KCNIP4: variants seen among roughly 807,000 people sequenced by gnomAD.
KCNIP4 encodes Kv channel-interacting protein 4.
In KCNIP4, 12 loss-of-function variants were observed where a neutral mutation model predicts 34.0. That is an observed-to-expected ratio of 0.35 (90% CI 0.23 to 0.57). The LOEUF is 0.57. Among genes scored for constraint, KCNIP4 ranks in the 20% least tolerant of loss-of-function variants. KCNIP4 has a pLI of 0.83. For synonymous variants in KCNIP4, 124 were observed against 102.2 expected (o/e 1.21, Z -1.29); for missense variants, 238 against 311.7 (o/e 0.76, Z 1.78).
intron 1 of KCNIP4, among the ~76,000 whole-genome samples, chr4:21,245,806 A>T (rs956220358): frequency 1.3e-5 from 2 of 152,160 alleles, no homozygotes; most frequent in Non-Finnish European, 2.9e-5. Context: ...TATCCACAGC[A>T]TTACTTTGAA....
intron 1 of KCNIP4, among the ~76,000 whole-genome samples, chr4:21,017,362 C>A (rs1212004066): frequency 6.6e-6 from 1 of 152,140 alleles, no homozygotes; most frequent in Non-Finnish European, 1.5e-5. Context: ...CCCTGACAGG[C>A]TCTAGTGTGT....
chr4:20,947,201 C>T (rs148990203), intron 1 of KCNIP4, among the ~76,000 whole-genome samples: 4 of 152,272 alleles, frequency 2.6e-5, no homozygotes, highest in African/African-American at 9.6e-5. Context: ...TGGATTCTCA[C>T]TCTGCTGTCC....
intron 1 of KCNIP4, among the ~76,000 whole-genome samples, chr4:21,232,908 G>A (rs139228092): frequency 4.6e-5 from 7 of 152,194 alleles, no homozygotes; most frequent in African/African-American, 7.2e-5. Flanking sequence ...GGGGATTACC[G>A]AATGTAGGTC....
At chr4:21,543,171 G>C (rs1171724641) in intron 1 of KCNIP4, among the ~76,000 whole-genome samples, 2 of 152,032 alleles carry the variant, frequency 1.3e-5, no homozygotes, top group Non-Finnish European at 2.9e-5. Context: ...TCAACTCTGT[G>C]ATAAGCCTGA....
chr4:21,064,892 T>C (rs1482311542), intron 1 of KCNIP4, among the ~76,000 whole-genome samples: 1 of 152,204 alleles, frequency 6.6e-6, no homozygotes, highest in Non-Finnish European at 1.5e-5. Flanking sequence ...TAGTAGCCAA[T>C]GCACAATTTA....
At chr4:21,946,710 G>T (rs1345043413) in intron 1 of KCNIP4, among the ~76,000 whole-genome samples, 1 of 152,056 alleles carries the variant, frequency 6.6e-6, no homozygotes, top group Non-Finnish European at 1.5e-5. Flanking sequence ...AAAAATTTGT[G>T]AATACAATTC....
chr4:21,722,510 A>G (rs937728972), intron 1 of KCNIP4, among the ~76,000 whole-genome samples: 13 of 152,160 alleles, frequency 8.5e-5, no homozygotes, highest in African/African-American at 3.1e-4. Context: ...AGAAAATGAC[A>G]TTGTAAGAAA....
intron 1 of KCNIP4, among the ~76,000 whole-genome samples, chr4:21,545,653 T>C (rs954163699): frequency 6.6e-6 from 1 of 152,138 alleles, no homozygotes; most frequent in Non-Finnish European, 1.5e-5. Flanking sequence ...TCTGTTCCTG[T>C]GTTAGTTTGC....
intron 1 of KCNIP4, among the ~76,000 whole-genome samples, chr4:21,411,662 T>TAAAC (rs1400280295): frequency 1.2e-4 from 18 of 151,682 alleles, no homozygotes; most frequent in Admixed American, 1.2e-3. Flanking sequence ...CCAAAACAAA[T>TAAAC]AAACAAACAA....
Position 20,794,041 on chromosome 4 carries a change from G to T in KCNIP4, c.289-35151C>A, listed in dbSNP as rs1245097962. Among the ~76,000 whole-genome samples, 3 of 152,132 alleles carry T rather than the reference G, an allele frequency of 2.0e-5. No individual in the cohort carries two copies. The South Asian group carries it at 6.2e-4, about 32-fold the overall frequency. Reference sequence around the variant, plus strand: ...TGGTTTTAAAAAGTAGATTTCCCCTGCACAAAGTCTCTCTCTTTGCCTGTT... The same window carrying T: ...TGGTTTTAAAAAGTAGATTTCCCCTTCACAAAGTCTCTCTCTTTGCCTGTT... On this transcript the variant is annotated intron_variant, in intron 3 of 8. Coordinates refer to ENST00000382152, the MANE Select transcript of KCNIP4 (RefSeq NM_025221.6).
intron 1 of KCNIP4, among the ~76,000 whole-genome samples, chr4:21,899,169 A>G (rs1727568505): frequency 6.6e-6 from 1 of 152,204 alleles, no homozygotes; most frequent in Non-Finnish European, 1.5e-5. Context: ...ATGTCAAAAG[A>G]ATGAAGAGCA....
intron 1 of KCNIP4, among the ~76,000 whole-genome samples, chr4:21,648,978 C>T (rs778233560): frequency 4.6e-5 from 7 of 152,044 alleles, no homozygotes; most frequent in Admixed American, 3.9e-4. Context: ...TACTCTAGCT[C>T]GTGTTCAGTA....
At chr4:21,587,976 A>G (rs1169919066) in intron 1 of KCNIP4, among the ~76,000 whole-genome samples, 4 of 152,032 alleles carry the variant, frequency 2.6e-5, no homozygotes, top group African/African-American at 4.8e-5. Context: ...ATGTTTAACT[A>G]ATAAAATGTT....
At chr4:21,057,476 T>C (rs1005648511) in intron 1 of KCNIP4, among the ~76,000 whole-genome samples, 1 of 152,198 alleles carries the variant, frequency 6.6e-6, no homozygotes, top group East Asian at 1.9e-4. Flanking sequence ...ACAAAGCTTT[T>C]ACACCTTATT....
intron 1 of KCNIP4, among the ~76,000 whole-genome samples, chr4:21,746,794 A>T (rs1190399475): frequency 6.6e-6 from 1 of 152,152 alleles, no homozygotes; most frequent in Non-Finnish European, 1.5e-5. Context: ...AACTATCAAA[A>T]ACATAAAATA....
chr4:21,313,139 T>G lies in KCNIP4; in HGVS notation c.62-430430A>C, dbSNP rs188574230. ...TGTCTGATGCATAATTCACTTATTA[T>G]GAACTCATGTAAGATGCAAATAATT... On this transcript the variant is annotated intron_variant, in intron 1 of 8. Coordinates refer to ENST00000382152, the MANE Select transcript of KCNIP4 (RefSeq NM_025221.6). 2.3e-3 allele frequency among the ~76,000 whole-genome samples: 358 copies of G among 152,366 alleles called. 1 individual carries two copies. Among genetic ancestry groups the G allele is most frequent in the African/African-American group, 7.2e-3 (299 of 41,592 alleles).
intron 1 of KCNIP4, among the ~76,000 whole-genome samples, chr4:21,631,422 G>T (rs978954212): frequency 2.6e-5 from 4 of 152,054 alleles, no homozygotes; most frequent in Non-Finnish European, 4.4e-5. Flanking sequence ...CAGGCAATTT[G>T]CAAATAAATT....
At chr4:21,335,274 A>C (rs1716063076) in intron 1 of KCNIP4, among the ~76,000 whole-genome samples, 1 of 126,294 alleles carries the variant, frequency 7.9e-6, no homozygotes, top group African/African-American at 3.3e-5. Context: ...CAACGGCTGC[A>C]ACTAGATGTT....
At chr4:21,737,347 C>T (rs1404275647) in intron 1 of KCNIP4, among the ~76,000 whole-genome samples, 1 of 151,966 alleles carries the variant, frequency 6.6e-6, no homozygotes, top group African/African-American at 2.4e-5. Flanking sequence ...TCTTACCTCT[C>T]AAATACTCTT....
Sources: allele counts gnomAD v4.1 joint callset (sites outside exome capture counted in the v4.1 genomes callset), GRCh38; gene constraint gnomAD v4.1.1; transcripts MANE v1.5; gene names NCBI Gene and HGNC (gene_info 2026-07-23, HGNC 2026-07-21).